Variants in IQGAP1 observed in about 807,000 individuals in gnomAD.
The protein encoded by IQGAP1 is IQ motif containing GTPase activating protein 1.
A neutral mutation model predicts 215.6 loss-of-function variants in IQGAP1; 66 were observed. That is an observed-to-expected ratio of 0.31 (90% CI 0.25 to 0.38). The LOEUF is 0.38. Among genes scored for constraint, IQGAP1 ranks in the 10% least tolerant of loss-of-function variants. The pLI, the probability that IQGAP1 is intolerant of heterozygous loss-of-function variation, is 1.00. For missense variants in IQGAP1, 1,712 were observed against 1,997.1 expected (o/e 0.86, Z 2.72); for synonymous variants, 772 against 728.7 (o/e 1.06, Z -0.96).
At chr15:90,453,339 C>G in intron 13 of IQGAP1, 47 bp downstream of exon 13, 1 of 1,444,532 alleles carries the variant, frequency 6.9e-7, no homozygotes, top group Non-Finnish European at 9.4e-7. Flanking sequence ...TAGCTGTTAA[C>G]CCTGTCTTTT....
At chr15:90,435,400 G>A (rs970580243) in intron 5 of IQGAP1, among the ~76,000 whole-genome samples, 9 of 152,288 alleles carry the variant, frequency 5.9e-5, no homozygotes, top group Middle Eastern at 6.8e-3. Flanking sequence ...CACTTAAGCC[G>A]AGGAGTTTGA....
rs545056140 is a variant in IQGAP1, at chr15:90,452,888, G to T, written c.1276G>T (p.Ala426Ser). The T allele has an allele frequency of 6.2e-7, 1 of 1,613,934 alleles. No individual in the cohort carries two copies. Among genetic ancestry groups the T allele is most frequent in the Non-Finnish European group, 8.5e-7 (1 of 1,180,006 alleles). The change falls in exon 12 of 38, where the codon GCC becomes TCC. Residue 426 changes from alanine to serine, a missense_variant. Transcript: ENST00000268182. ...GCTGCCCCAGGTGTATCCATTTGCCGCCGATCTCTATCAGAAGGAGCTGGC... is the reference window on the plus strand; with the variant it reads ...GCTGCCCCAGGTGTATCCATTTGCCTCCGATCTCTATCAGAAGGAGCTGGC... ...AQLPQVYPFA[A>S]DLYQKELATL... is the part of the protein sequence containing the mutation.
intron 9 of IQGAP1, among the ~76,000 whole-genome samples, chr15:90,445,951 G>A (rs1257606681): frequency 1.3e-5 from 2 of 151,774 alleles, no homozygotes; most frequent in Non-Finnish European, 2.9e-5. Flanking sequence ...TTCTGCCTCA[G>A]CCTCCTGAGT....
intron 17 of IQGAP1, 28 bp downstream of exon 17, chr15:90,466,464 C>A (rs1965832580): frequency 1.9e-6 from 3 of 1,610,654 alleles, no homozygotes; most frequent in Non-Finnish European, 2.5e-6. Flanking sequence ...ACATATGTGC[C>A]CTGAAGCTAA....
chr15:90,412,441 C>G (rs1964979992), intron 2 of IQGAP1, among the ~76,000 whole-genome samples: 1 of 152,136 alleles, frequency 6.6e-6, no homozygotes, highest in Non-Finnish European at 1.5e-5. Flanking sequence ...TTCTTTAATT[C>G]CTGTGTAAAT....
At position 90,477,162 on chromosome 15, in the gene IQGAP1, C is replaced by T. The variant is rs769207228; in HGVS notation, c.3036C>T (p.Tyr1012=). ...CTGTAATCTTCACACTCTACAACTA[C>T]GCGTCCAACCAGCGAGAGGAGTACC... The part of the protein sequence containing the change: ...MDSVIFTLYN[Y]ASNQREEYLL... Residue 1012 remains tyrosine (Y), a synonymous_variant, in exon 25 of 38, where the codon TAC becomes TAT. Coordinates refer to ENST00000268182, the MANE Select transcript of IQGAP1 (RefSeq NM_003870.4). 37 of 1,613,858 alleles carry T rather than the reference C, an allele frequency of 2.3e-5. No homozygotes were observed. Among genetic ancestry groups the T allele is most frequent in the East Asian group, 4.5e-5 (2 of 44,896 alleles).
chr15:90,500,330 G>A lies in IQGAP1; in HGVS notation c.*222G>A, dbSNP rs576713403. 6.7e-6 allele frequency: 3 copies of A among 448,468 alleles called. No homozygotes were observed. Among genetic ancestry groups the A allele is most frequent in the African/African-American group, 5.8e-5 (3 of 51,320 alleles). The allele number at this position is 448,468 out of a possible 1,614,324, so 27.8% of individuals were successfully genotyped here. A position where few individuals can be genotyped will look rare whatever the true frequency, so the allele number is the denominator to read the frequency against. ...TTTCAGGCTTAGTCTGACCTTTCTG[G>A]TTTCTTCATTTTCTTCCATTACTTA... On this transcript the variant is annotated 3_prime_UTR_variant, in exon 38 of 38. Transcript: ENST00000268182.
chr15:90,481,017 G>A (rs1966050582), intron 26 of IQGAP1, among the ~76,000 whole-genome samples: 1 of 152,110 alleles, frequency 6.6e-6, no homozygotes, highest in African/African-American at 2.4e-5. Context: ...CAAATTGGGT[G>A]GCTTAAAACA....
chr15:90,453,161 C>T lies in IQGAP1; in HGVS notation c.1356C>T (p.Val452=), dbSNP rs1020420727. The T allele has an allele frequency of 1.1e-5, 17 of 1,613,358 alleles. No homozygotes were observed. The highest frequency in any genetic ancestry group is 6.7e-5 in the African/African-American group (5 of 74,852). Residue 452 remains valine, a synonymous_variant, in exon 13 of 38, where the codon GTC becomes GTT. Transcript: ENST00000268182. The part of the protein sequence containing the change: ...EHNLTHPELS[V]AVEMLSSVAL... The stretch of plus-strand genomic sequence containing the variant: ...ATCTCACCCACCCAGAGCTCTCTGT[C>T]GCAGTGGAGATGTTGTCATCGGTGG...
intron 11 of IQGAP1, among the ~76,000 whole-genome samples, chr15:90,451,977 G>C (rs1457793468): frequency 6.6e-6 from 1 of 151,990 alleles, no homozygotes; most frequent in African/African-American, 2.4e-5. Flanking sequence ...TTACAGGCAC[G>C]TGCCACCACA....
intron 8 of IQGAP1, 77 bp downstream of exon 8, chr15:90,441,761 G>A (rs1965454441): frequency 9.7e-7 from 1 of 1,035,800 alleles, no homozygotes; most frequent in Admixed American, 2.5e-5. Flanking sequence ...TTAAACATCA[G>A]TTTTATTGAG....
At chr15:90,408,514 T>C (rs1212063668) in intron 2 of IQGAP1, among the ~76,000 whole-genome samples, 1 of 152,038 alleles carries the variant, frequency 6.6e-6, no homozygotes, top group African/African-American at 2.4e-5. Flanking sequence ...CATAAGAAAG[T>C]TTAGAGGAAG....
In IQGAP1 at chr15:90,426,079, C is replaced by CT. The variant is rs751387517; in HGVS notation, c.156-24dup. 3.2e-6 allele frequency: 5 copies of CT among 1,572,738 alleles called. No homozygotes were observed. In the South Asian group the frequency reaches 3.5e-5, roughly 11 times the overall value. ...AAGGAAAAGTTCTGACCTTCCCTTT[C>CT]TTTTTTTGCATCCTCTCTCCTTTGG... On this transcript the variant is annotated intron_variant, in intron 2 of 37. Coordinates refer to ENST00000268182, the MANE Select transcript of IQGAP1 (RefSeq NM_003870.4).
At chr15:90,417,761 T>G (rs1340645489) in intron 2 of IQGAP1, among the ~76,000 whole-genome samples, 1 of 152,218 alleles carries the variant, frequency 6.6e-6, no homozygotes, top group Non-Finnish European at 1.5e-5. Flanking sequence ...AAGTCATTGG[T>G]AGCTTGATGG....
At chr15:90,397,595 CA>C (rs1205424816) in intron 2 of IQGAP1, among the ~76,000 whole-genome samples, 2 of 146,670 alleles carry the variant, frequency 1.4e-5, no homozygotes, top group East Asian at 2.1e-4. Flanking sequence ...TGGCTCACTG[CA>C]ACCTCCGCCT....
At chr15:90,417,569 C>G (rs1285637906) in intron 2 of IQGAP1, among the ~76,000 whole-genome samples, 1 of 152,124 alleles carries the variant, frequency 6.6e-6, no homozygotes, top group Non-Finnish European at 1.5e-5. Context: ...TGGTCTATAT[C>G]TCTGTTTTGG....
At chr15:90,432,537 A>G (rs1221689330) in intron 4 of IQGAP1, among the ~76,000 whole-genome samples, 2 of 152,200 alleles carry the variant, frequency 1.3e-5, no homozygotes. Context: ...CAAGTTGCTT[A>G]TAATAATCTG....
Position 90,441,118 on chromosome 15 carries a change from A to G in IQGAP1, c.650-388A>G, listed in dbSNP as rs544895391. 8.2e-4 allele frequency among the ~76,000 whole-genome samples: 122 copies of G among 148,480 alleles called. 1 individual carries two copies. Among genetic ancestry groups the G allele is most frequent in the African/African-American group, 3.0e-3 (120 of 39,552 alleles). ...GTGAAACTCTGTCTCAAAAAAAAAA[A>G]GAAAAAAAAAGAAAGGAAGTCCTAC... On this transcript the variant is annotated intron_variant, in intron 7 of 37. Coordinates refer to ENST00000268182, the MANE Select transcript of IQGAP1 (RefSeq NM_003870.4).
At chr15:90,432,639 G>A (rs1197977783) in intron 4 of IQGAP1, among the ~76,000 whole-genome samples, 1 of 152,100 alleles carries the variant, frequency 6.6e-6, no homozygotes, top group African/African-American at 2.4e-5. Context: ...TTGCCTTACT[G>A]TCTCACAAAC....
Sources: gnomAD v4.1 joint callset for allele counts (sites outside exome capture counted in the v4.1 genomes callset) on GRCh38, gnomAD v4.1.1 for gene constraint, MANE v1.5 for transcripts, NCBI Gene and HGNC (gene_info 2026-07-23, HGNC 2026-07-21) for gene names.